ANKS1B: variants seen among roughly 807,000 people sequenced by gnomAD.
ANKS1B encodes the protein ankyrin repeat and sterile alpha motif domain containing 1B, also known as ankyrin repeat and sterile alpha motif domain-containing protein 1B.
In ANKS1B, 36 loss-of-function variants were observed where a neutral mutation model predicts 148.3. The observed-to-expected ratio is 0.24, with a 90% CI of 0.19 to 0.32. ANKS1B has a LOEUF of 0.32. Among genes scored for constraint, ANKS1B ranks in the 10% least tolerant of loss-of-function variants. The probability of loss-of-function intolerance (pLI) is 1.00; values close to 1 mark genes in which losing one functional copy is unlikely to be tolerated. For missense variants in ANKS1B, 1,157 were observed against 1,542.6 expected (o/e 0.75, Z 4.19); for synonymous variants, 542 against 560.8 (o/e 0.97, Z 0.47).
At chr12:99,268,076 T>C (rs1340260829) in intron 12 of ANKS1B, among the ~76,000 whole-genome samples, 1 of 152,242 alleles carries the variant, frequency 6.6e-6, no homozygotes, top group Non-Finnish European at 1.5e-5. Flanking sequence ...GCTAGTGCTA[T>C]ATTCCAAACT....
intron 4 of ANKS1B, among the ~76,000 whole-genome samples, chr12:99,795,022 AAAG>A (rs1271743305): frequency 6.6e-6 from 1 of 151,876 alleles, no homozygotes; most frequent in Non-Finnish European, 1.5e-5. Flanking sequence ...ACAAATAAGC[AAAG>A]AAGGTAAAAA....
At chr12:99,171,017 G>T (rs1004836165) in intron 14 of ANKS1B, among the ~76,000 whole-genome samples, 2 of 152,182 alleles carry the variant, frequency 1.3e-5, no homozygotes, top group Non-Finnish European at 2.9e-5. Context: ...CCACATTGGG[G>T]AAAGAAACTG....
intron 14 of ANKS1B, among the ~76,000 whole-genome samples, chr12:99,236,615 G>C (rs1197161032): frequency 6.6e-6 from 1 of 152,108 alleles, no homozygotes; most frequent in African/African-American, 2.4e-5. Flanking sequence ...GATGAGATTT[G>C]GGTGGGAACA....
At chr12:99,031,209 C>G (rs4762545) in intron 17 of ANKS1B, among the ~76,000 whole-genome samples, 2 of 152,294 alleles carry the variant, frequency 1.3e-5, no homozygotes, top group South Asian at 2.1e-4. Context: ...ACCTTCTAGA[C>G]ATATTCCAAG....
chr12:99,063,431 C>T (rs773441720), intron 16 of ANKS1B, among the ~76,000 whole-genome samples: 14 of 152,192 alleles, frequency 9.2e-5, no homozygotes, highest in Non-Finnish European at 1.9e-4. Context: ...ATCAAATCTA[C>T]AGGCTGTGAG....
chr12:99,795,333 T>C (rs1469849342), intron 4 of ANKS1B, among the ~76,000 whole-genome samples: 1 of 151,400 alleles, frequency 6.6e-6, no homozygotes, highest in Non-Finnish European at 1.5e-5. Flanking sequence ...ACAACAAAAA[T>C]AAATAATAAA....
At chr12:99,520,268 G>T (rs959132431) in intron 9 of ANKS1B, among the ~76,000 whole-genome samples, 2 of 152,120 alleles carry the variant, frequency 1.3e-5, no homozygotes, top group Non-Finnish European at 2.9e-5. Context: ...TGTTGTTGAT[G>T]AAATCCCTTA....
In ANKS1B at chr12:98,964,346, G is replaced by A. The variant is rs1481453175; in HGVS notation, c.2778+88811C>T. 3.9e-5 allele frequency among the ~76,000 whole-genome samples: 6 copies of A among 152,206 alleles called. No homozygotes were observed. The East Asian group carries it at 1.2e-3, about 29-fold the overall frequency. On this transcript the variant is annotated intron_variant, in intron 17 of 26. Transcript: ENST00000683438. ...AAAAGGGAACTCTCGTACACTGTTG[G>A]TGGGAATGTAAGTTGGTACAACCAC...
intron 14 of ANKS1B, among the ~76,000 whole-genome samples, chr12:99,184,355 A>G (rs544329489): frequency 1.3e-5 from 2 of 152,302 alleles, no homozygotes; most frequent in African/African-American, 4.8e-5. Flanking sequence ...GCAAGATTGG[A>G]ATTTGGCCTA....
chr12:99,513,220 T>C lies in ANKS1B; in HGVS notation c.1273-8579A>G, dbSNP rs139902918. Among the ~76,000 whole-genome samples, 270 of 152,106 alleles carry C rather than the reference T, an allele frequency of 1.8e-3. 1 individual carries two copies. Among genetic ancestry groups the C allele is most frequent in the African/African-American group, 6.2e-3 (259 of 41,514 alleles). On this transcript the variant is annotated intron_variant, in intron 9 of 26. Transcript: ENST00000683438. Reference sequence around the variant, plus strand: ...GTTTTAGTAATAAAGTATTTTTAATTAGGTATGTACTCTTTTTTAGACATA... The same window carrying C: ...GTTTTAGTAATAAAGTATTTTTAATCAGGTATGTACTCTTTTTTAGACATA...
intron 8 of ANKS1B, among the ~76,000 whole-genome samples, chr12:99,760,770 G>A (rs2062015372): frequency 6.6e-6 from 1 of 151,032 alleles, no homozygotes; most frequent in Admixed American, 6.6e-5. Context: ...TGGCATGAAA[G>A]GATAAATAAG....
At chr12:99,654,104 T>C (rs896731730) in intron 9 of ANKS1B, among the ~76,000 whole-genome samples, 1 of 152,150 alleles carries the variant, frequency 6.6e-6, no homozygotes, top group African/African-American at 2.4e-5. Context: ...TGTCTTAAAG[T>C]CCTATGAAGA....
intron 9 of ANKS1B, among the ~76,000 whole-genome samples, chr12:99,594,009 C>T (rs1375117555): frequency 6.6e-6 from 1 of 151,906 alleles, no homozygotes; most frequent in African/African-American, 2.4e-5. Flanking sequence ...GTCTTAGATG[C>T]TAGAATCCAT....
intron 10 of ANKS1B, among the ~76,000 whole-genome samples, chr12:99,476,265 C>T (rs2373017): frequency 0.2 from 29,745 of 152,014 alleles, 3,074 homozygotes; most frequent in Middle Eastern, 0.26. Flanking sequence ...TGGTGGCACA[C>T]GCTTGTAATC....
intron 15 of ANKS1B, among the ~76,000 whole-genome samples, chr12:99,119,705 G>A (rs759788454): frequency 2.7e-4 from 41 of 152,098 alleles, no homozygotes; most frequent in Non-Finnish European, 1.3e-4. Flanking sequence ...TGACACACAG[G>A]TGCAGTGAGT....
At chr12:99,587,632 A>G (rs1014076289) in intron 9 of ANKS1B, among the ~76,000 whole-genome samples, 1 of 152,346 alleles carries the variant, frequency 6.6e-6, no homozygotes, top group South Asian at 2.1e-4. Context: ...AAAATAGCAG[A>G]TCACATAAAA....
intron 8 of ANKS1B, among the ~76,000 whole-genome samples, chr12:99,656,285 T>C (rs1266273482): frequency 6.6e-6 from 1 of 152,102 alleles, no homozygotes; most frequent in East Asian, 1.9e-4. Context: ...CTCCTCCCTG[T>C]AGAAACAGAC....
chr12:98,740,619 T>C (rs1004512978), downstream of ANKS1B, among the ~76,000 whole-genome samples: 2 of 152,214 alleles, frequency 1.3e-5, no homozygotes, highest in Non-Finnish European at 2.9e-5. Flanking sequence ...TTTTAGCTAT[T>C]ACTGTGATGA....
intron 11 of ANKS1B, among the ~76,000 whole-genome samples, chr12:99,428,092 T>G (rs749889556): frequency 5.9e-5 from 9 of 152,120 alleles, no homozygotes; most frequent in Non-Finnish European, 1.2e-4. Context: ...ATGTTGACAA[T>G]GTAATAAGAT....
Sources: allele counts gnomAD v4.1 joint callset (sites outside exome capture counted in the v4.1 genomes callset), GRCh38; gene constraint gnomAD v4.1.1; transcripts MANE v1.5; gene names NCBI Gene and HGNC (gene_info 2026-07-23, HGNC 2026-07-21).